The following NKAIN3 variants were observed in gnomAD, a reference collection of about 807,000 sequenced individuals.
NKAIN3 encodes sodium/potassium-transporting ATPase subunit beta-1-interacting protein 3.
Under a neutral mutation model 30.2 loss-of-function variants are expected in NKAIN3, and 25 were observed. The ratio of observed to expected loss-of-function variants is 0.83; its 90% CI spans 0.60 to 1.16. The LOEUF (loss-of-function observed/expected upper bound fraction) is 1.16, where lower values mean the gene tolerates loss of function less well. Ranked by LOEUF, NKAIN3 falls within the 50% of genes most tolerant of loss-of-function variation. The pLI is 0.00. For synonymous variants in NKAIN3, 91 were observed against 89.6 expected, an observed-to-expected ratio of 1.02 and a Z score of -0.09; for missense variants, 225 against 254.1, an observed-to-expected ratio of 0.89 and a Z score of 0.78.
intron 4 of NKAIN3, among the ~76,000 whole-genome samples, chr8:62,843,249 T>C (rs1819581883): frequency 1.3e-5 from 2 of 151,898 alleles, no homozygotes; most frequent in Admixed American, 6.6e-5. Context: ...AGGAAATGGA[T>C]TGTCCCCTAG....
intron 1 of NKAIN3, among the ~76,000 whole-genome samples, chr8:62,256,922 G>A (rs1312501522): frequency 6.6e-6 from 1 of 152,138 alleles, no homozygotes; most frequent in Non-Finnish European, 1.5e-5. Context: ...TGAGGCTGAC[G>A]AATGTTCCTG....
intron 1 of NKAIN3, among the ~76,000 whole-genome samples, chr8:62,321,335 A>G (rs951615192): frequency 2.0e-5 from 3 of 152,154 alleles, no homozygotes; most frequent in African/African-American, 7.2e-5. Context: ...CAACTTGTCA[A>G]AGTCATTCTC....
chr8:62,969,748 T>C lies in NKAIN3; in HGVS notation c.*4341T>C, dbSNP rs1295364131. ...ATTTCCATCTAATTTAAAAGTTATC[T>C]GTAACCTTTGTTTGATAGAAGGTCT... is the stretch of plus-strand genomic sequence containing the variant. On this transcript the variant is annotated 3_prime_UTR_variant, in exon 7 of 7. Transcript: ENST00000623646. 6.6e-6 allele frequency among the ~76,000 whole-genome samples: 1 copy of C among 152,328 alleles called. No individual in the cohort carries two copies. The highest frequency in any genetic ancestry group is 1.9e-4 in the East Asian group (1 of 5,190).
chr8:62,670,517 A>G (rs1813266298), intron 3 of NKAIN3, among the ~76,000 whole-genome samples: 1 of 152,114 alleles, frequency 6.6e-6, no homozygotes, highest in South Asian at 2.1e-4. Context: ...GATGTAAGTA[A>G]GGTTCTCTGG....
intron 5 of NKAIN3, among the ~76,000 whole-genome samples, chr8:62,950,861 T>C (rs984163719): frequency 6.6e-6 from 1 of 151,540 alleles, no homozygotes; most frequent in Non-Finnish European, 1.5e-5. Flanking sequence ...TAGGCAAATC[T>C]AGAATGGCCA....
At chr8:62,872,502 G>A (rs188682039) in intron 4 of NKAIN3, among the ~76,000 whole-genome samples, 92 of 152,344 alleles carry the variant, frequency 6.0e-4, no homozygotes, top group African/African-American at 2.1e-3. Flanking sequence ...TGCAAATGCA[G>A]GAGCATCCAA....
intron 4 of NKAIN3, among the ~76,000 whole-genome samples, chr8:62,758,316 G>A (rs146388383): frequency 1.3e-5 from 2 of 152,266 alleles, no homozygotes; most frequent in Non-Finnish European, 2.9e-5. Context: ...ACTGTTGAAA[G>A]TTGTATAAGG....
chr8:62,327,795 T>G (rs566904240), intron 1 of NKAIN3, among the ~76,000 whole-genome samples: 43 of 152,240 alleles, frequency 2.8e-4, no homozygotes, highest in African/African-American at 1.0e-3. Flanking sequence ...CATATGAATT[T>G]TAATTTCTAT....
intron 4 of NKAIN3, among the ~76,000 whole-genome samples, chr8:62,905,778 C>T (rs1821755624): frequency 6.6e-6 from 1 of 152,142 alleles, no homozygotes; most frequent in Non-Finnish European, 1.5e-5. Context: ...CCTTTTTGGT[C>T]TCTTTTGCTG....
At chr8:62,817,106 T>C (rs1449483198) in intron 4 of NKAIN3, among the ~76,000 whole-genome samples, 1 of 152,162 alleles carries the variant, frequency 6.6e-6, no homozygotes, top group Non-Finnish European at 1.5e-5. Context: ...AGGGTCTTTG[T>C]CACTTATTTG....
intron 1 of NKAIN3, among the ~76,000 whole-genome samples, chr8:62,266,504 G>A (rs746081915): frequency 1.1e-4 from 16 of 152,122 alleles, no homozygotes; most frequent in Non-Finnish European, 1.5e-5. Context: ...AGACATATTC[G>A]AGGGAAACGT....
At chr8:62,841,273 C>A (rs1819523301) in intron 4 of NKAIN3, among the ~76,000 whole-genome samples, 1 of 151,766 alleles carries the variant, frequency 6.6e-6, no homozygotes, top group Admixed American at 6.6e-5. Context: ...GTTATTAAAT[C>A]AAATTAATTA....
At chr8:62,583,790 T>A (rs1021514236) in intron 2 of NKAIN3, among the ~76,000 whole-genome samples, 1 of 152,234 alleles carries the variant, frequency 6.6e-6, no homozygotes, top group African/African-American at 2.4e-5. Context: ...TCAGATATTG[T>A]TACCTTTATG....
chr8:62,929,586 A>C (rs1240256885), intron 5 of NKAIN3, among the ~76,000 whole-genome samples: 1 of 152,234 alleles, frequency 6.6e-6, no homozygotes, highest in Non-Finnish European at 1.5e-5. Flanking sequence ...GGTGAAGACC[A>C]AAGTTTCTCT....
At chr8:62,863,957 G>A (rs539080418) in intron 4 of NKAIN3, 315 of 860,270 alleles carry the variant, frequency 3.7e-4, no homozygotes, top group African/African-American at 2.3e-3. Context: ...GGCGGTGGTG[G>A]TGGTGGAGGT....
intron 1 of NKAIN3, among the ~76,000 whole-genome samples, chr8:62,524,775 T>C (rs574065988): frequency 1.3e-5 from 2 of 152,162 alleles, no homozygotes; most frequent in South Asian, 2.1e-4. Context: ...ACTCCGCTCA[T>C]CCACGTTGGT....
At chr8:62,322,306 C>T (rs2129589519) in intron 1 of NKAIN3, among the ~76,000 whole-genome samples, 1 of 152,270 alleles carries the variant, frequency 6.6e-6, no homozygotes, top group African/African-American at 2.4e-5. Flanking sequence ...CCTGGTTCGG[C>T]TCACGCTCGG....
At chr8:62,741,416 AAGGAAGGCAGGCAAGC>A (rs1188029095) in intron 3 of NKAIN3, among the ~76,000 whole-genome samples, 3 of 128,324 alleles carry the variant, frequency 2.3e-5, no homozygotes, top group African/African-American at 9.7e-5. Context: ...GGAAGGAAGG[AAGGAAGGCAGGCAAGC>A]AAGCAAGCAC....
intron 1 of NKAIN3, among the ~76,000 whole-genome samples, chr8:62,564,833 C>T (rs1258156095): frequency 6.6e-6 from 1 of 152,046 alleles, no homozygotes; most frequent in African/African-American, 2.4e-5. Context: ...CTGTTTTTAA[C>T]ACAGATAATT....
Sources: gnomAD v4.1 joint callset for allele counts (sites outside exome capture counted in the v4.1 genomes callset) on GRCh38, gnomAD v4.1.1 for gene constraint, MANE v1.5 for transcripts, NCBI Gene and HGNC (gene_info 2026-07-23, HGNC 2026-07-21) for gene names.